USH2A: variants seen among roughly 807,000 people sequenced by gnomAD.
USH2A encodes the protein usherin, also known as Usher syndrome 2A (autosomal recessive, mild).
In USH2A, 443 loss-of-function variants were observed where a neutral mutation model predicts 538.9. The ratio of observed to expected loss-of-function variants is 0.82; its 90% CI spans 0.76 to 0.89. The LOEUF is 0.89. Among genes scored for constraint, USH2A ranks in the 40% least tolerant of loss-of-function variants. The pLI is 0.00. For synonymous variants in USH2A, 2,413 were observed against 2,273.5 expected (o/e 1.06, Z -1.75); for missense variants, 6,633 against 6,324.8 (o/e 1.05, Z -1.65).
At chr1:216,257,107 A>G (rs545238632) in intron 11 of USH2A, among the ~76,000 whole-genome samples, 1 of 152,122 alleles carries the variant, frequency 6.6e-6, no homozygotes, top group East Asian at 1.9e-4. Flanking sequence ...TTACCAATGC[A>G]GTTGCCATTT....
intron 47 of USH2A, among the ~76,000 whole-genome samples, chr1:215,837,106 G>A (rs1485208495): frequency 6.6e-6 from 1 of 152,140 alleles, no homozygotes; most frequent in East Asian, 1.9e-4. Context: ...AGTCAGGTTA[G>A]TTGAATTTTT....
In USH2A at chr1:215,995,843, C is replaced by T. The variant is rs147040763; in HGVS notation, c.6658-2676G>A. Among the ~76,000 whole-genome samples the T allele has an allele frequency of 4.6e-3, 703 of 152,214 alleles. 6 individuals are homozygous for T. Among genetic ancestry groups the T allele is most frequent in the African/African-American group, 0.016 (679 of 41,522 alleles). On this transcript the variant is annotated intron_variant, in intron 34 of 71. Coordinates refer to ENST00000307340, the MANE Select transcript of USH2A (RefSeq NM_206933.4). ...GATTCAATTTTGGTACAATAAAATG[C>T]ATAAATAATAAAATTTTATCAATTA... is the stretch of plus-strand genomic sequence containing the variant.
chr1:216,262,883 C>T (rs77213667), intron 11 of USH2A, among the ~76,000 whole-genome samples: 1 of 151,604 alleles, frequency 6.6e-6, no homozygotes, highest in South Asian at 2.1e-4. Flanking sequence ...ATTGACAAAC[C>T]ATTAGCTAGA....
intron 11 of USH2A, among the ~76,000 whole-genome samples, chr1:216,256,490 A>G (rs1378392177): frequency 6.6e-6 from 1 of 151,970 alleles, no homozygotes; most frequent in African/African-American, 2.4e-5. Context: ...AATAGAGTAT[A>G]AGGATCTTAC....
chr1:215,701,868 G>A (rs1183144161), intron 61 of USH2A, among the ~76,000 whole-genome samples: 1 of 152,148 alleles, frequency 6.6e-6, no homozygotes, highest in Non-Finnish European at 1.5e-5. Context: ...TATGATGCTA[G>A]CTGGTTATTT....
intron 47 of USH2A, among the ~76,000 whole-genome samples, chr1:215,825,744 T>C (rs991769048): frequency 2.6e-5 from 4 of 152,222 alleles, no homozygotes; most frequent in Non-Finnish European, 4.4e-5. Context: ...TTATCAAAAA[T>C]GATCAGAACA....
chr1:215,931,361 C>T (rs1232434092), intron 38 of USH2A, among the ~76,000 whole-genome samples: 1 of 151,892 alleles, frequency 6.6e-6, no homozygotes, highest in Non-Finnish European at 1.5e-5. Context: ...GAGTATGACC[C>T]TTTCACCTCT....
rs752697885 is a variant in USH2A at position 216,217,516 on chromosome 1, A to G, written c.3028T>C (p.Leu1010=). The change falls in exon 15 of 72, where the codon TTG becomes CTG. Residue 1010 remains leucine, a synonymous_variant. Coordinates refer to ENST00000307340, the MANE Select transcript of USH2A (RefSeq NM_206933.4). ...QPCNCHLSGA[L]NETCHLVTGQ... is the part of the protein sequence containing the mutation. ...GTGACCAAGTGACAGGTTTCATTCA[A>G]GGCTCCTGAGAGATGACAATTACAA... 2 of 1,613,196 alleles carry G rather than the reference A, an allele frequency of 1.2e-6. No individual in the cohort carries two copies. Among genetic ancestry groups the G allele is most frequent in the Non-Finnish European group, 1.7e-6 (2 of 1,179,406 alleles).
At chr1:215,925,386 G>C (rs186796436) in intron 38 of USH2A, among the ~76,000 whole-genome samples, 17 of 152,186 alleles carry the variant, frequency 1.1e-4, no homozygotes, top group Admixed American at 1.1e-3. Flanking sequence ...TCAATGGGTT[G>C]ATTTTTCCAG....
At chr1:215,881,974 GCAGAAACTTAGA>G (rs1156402974) in intron 41 of USH2A, among the ~76,000 whole-genome samples, 2 of 152,160 alleles carry the variant, frequency 1.3e-5, no homozygotes, top group African/African-American at 4.8e-5. Context: ...CCCATTTTAA[GCAGAAACTTAGA>G]CATGCAGGTT....
rs757908289 is a variant in USH2A, at chr1:215,758,740, C to A, written c.11244G>T (p.Lys3748Asn). 1.2e-6 allele frequency: 2 copies of A among 1,613,852 alleles called. No individual in the cohort carries two copies. Among genetic ancestry groups the A allele is most frequent in the East Asian group, 2.2e-5 (1 of 44,824 alleles). ...NLEPNSRYTY[K>N]LEVKTGGGSS... ...TGCCACCTCCAGTTTTGACTTCTAA[C>A]TTGTAAGTGTATCTATATTTAAAAA... Residue 3748 changes from lysine to asparagine, a missense_variant, in exon 58 of 72, where the codon AAG (lysine) becomes AAT (asparagine). Coordinates refer to ENST00000307340, the MANE Select transcript of USH2A (RefSeq NM_206933.4).
chr1:215,739,965 A>G (rs888150125), intron 60 of USH2A, among the ~76,000 whole-genome samples: 2 of 152,184 alleles, frequency 1.3e-5, no homozygotes, highest in African/African-American at 4.8e-5. Flanking sequence ...GGATCTGAGA[A>G]GAAGGGTGTT....
At chr1:215,785,499 T>G (rs996802350) in intron 52 of USH2A, among the ~76,000 whole-genome samples, 1 of 152,176 alleles carries the variant, frequency 6.6e-6, no homozygotes, top group African/African-American at 2.4e-5. Flanking sequence ...TTTATATGAT[T>G]GCTTTGTTGG....
Position 215,773,492 on chromosome 1 carries a change from G to GTC in USH2A, c.10939+6349_10939+6350dup, listed in dbSNP as rs930672000. 6.9e-3 allele frequency among the ~76,000 whole-genome samples: 585 copies of GTC among 84,446 alleles called. 3 individuals carry two copies. The highest frequency in any genetic ancestry group is 0.035 in the African/African-American group (528 of 15,132). 55.4% of individuals were successfully genotyped at this position (84,446 alleles called of 152,430 possible). On this transcript the variant is annotated intron_variant, in intron 55 of 71. Coordinates refer to ENST00000307340, the MANE Select transcript of USH2A (RefSeq NM_206933.4). ...TTTACGGATGTCTCTCTGTCTCTCT[G>GTC]TCTCTCTCTCTCTCTCTCTGTCTCT...
intron 16 of USH2A, among the ~76,000 whole-genome samples, chr1:216,203,152 C>T (rs941992078): frequency 1.3e-5 from 2 of 152,024 alleles, no homozygotes; most frequent in African/African-American, 4.8e-5. Flanking sequence ...ACAGGAGATA[C>T]ATTCCAAGAT....
intron 4 of USH2A, among the ~76,000 whole-genome samples, chr1:216,335,408 G>A (rs1250391835): frequency 1.3e-5 from 2 of 151,152 alleles, no homozygotes; most frequent in Admixed American, 1.3e-4. Flanking sequence ...TCAACCTAAA[G>A]CTAGCAGAAG....
chr1:215,950,192 A>C (rs534750847), intron 37 of USH2A, among the ~76,000 whole-genome samples: 46 of 152,310 alleles, frequency 3.0e-4, no homozygotes, highest in African/African-American at 1.1e-3. Context: ...ATGTAGAAGT[A>C]TGTGTTAACA....
chr1:215,957,627 C>A (rs1667101679), intron 37 of USH2A, among the ~76,000 whole-genome samples: 1 of 152,016 alleles, frequency 6.6e-6, no homozygotes, highest in Non-Finnish European at 1.5e-5. Flanking sequence ...AAGAAATAGA[C>A]CAACGACAAG....
At chr1:216,112,102 T>A (rs576575164) in intron 21 of USH2A, among the ~76,000 whole-genome samples, 2 of 152,212 alleles carry the variant, frequency 1.3e-5, no homozygotes, top group African/African-American at 4.8e-5. Context: ...TATAAATACA[T>A]GAATAACAAA....
Sources: allele counts gnomAD v4.1 joint callset (sites outside exome capture counted in the v4.1 genomes callset), GRCh38; gene constraint gnomAD v4.1.1; transcripts MANE v1.5; gene names NCBI Gene and HGNC (gene_info 2026-07-23, HGNC 2026-07-21).